The following HS3ST3A1 variants were observed in gnomAD, a reference collection of about 807,000 sequenced individuals.
HS3ST3A1 encodes the protein heparan sulfate-glucosamine 3-sulfotransferase 3A1, also known as heparan sulfate glucosamine 3-O-sulfotransferase 3A1.
HS3ST3A1 carries 19 observed loss-of-function variants against 25.7 expected under a neutral mutation model. The ratio of observed to expected loss-of-function variants is 0.74; its 90% CI spans 0.52 to 1.08. HS3ST3A1 has a LOEUF of 1.08. HS3ST3A1 is among the 50% of genes least tolerant of loss of function. The pLI, the probability that HS3ST3A1 is intolerant of heterozygous loss-of-function variation, is 0.00. For synonymous variants in HS3ST3A1, 226 were observed against 278.6 expected (o/e 0.81, Z 1.88); for missense variants, 459 against 594.3 (o/e 0.77, Z 2.37).
At chr17:13,508,614 G>C (rs1302227719) in intron 1 of HS3ST3A1, among the ~76,000 whole-genome samples, 3 of 152,182 alleles carry the variant, frequency 2.0e-5, no homozygotes, top group Non-Finnish European at 2.9e-5. Context: ...TTCATTGAGG[G>C]AACTCATGTA....
rs80085130 is a variant in HS3ST3A1, at chr17:13,509,807, C to T, written c.600-12989G>A. ...AGATGTTGAAAGGTTTGAGAAGGGG[C>T]TTGTCCTAAGTCATTCAGCCGAAAG... is the stretch of plus-strand genomic sequence containing the variant. On this transcript the variant is annotated intron_variant, in intron 1 of 1. Transcript: ENST00000284110. Among the ~76,000 whole-genome samples the T allele has an allele frequency of 5.0e-3, 762 of 152,304 alleles. 8 individuals are homozygous for T. The highest frequency in any genetic ancestry group is 0.017 in the African/African-American group (716 of 41,560).
chr17:13,561,359 G>C (rs564877473), intron 1 of HS3ST3A1, among the ~76,000 whole-genome samples: 1 of 151,322 alleles, frequency 6.6e-6, no homozygotes, highest in East Asian at 1.9e-4. Context: ...GTGAGCATTC[G>C]AGCATTCACC....
At chr17:13,522,650 C>G (rs943526114) in intron 1 of HS3ST3A1, among the ~76,000 whole-genome samples, 1 of 152,072 alleles carries the variant, frequency 6.6e-6, no homozygotes, top group African/African-American at 2.4e-5. Flanking sequence ...ACTTTACAGA[C>G]AGATGACACA....
rs533708067 is a variant in HS3ST3A1 at position 13,502,399 on chromosome 17, C to T, written c.600-5581G>A. 2.6e-5 allele frequency among the ~76,000 whole-genome samples: 4 copies of T among 152,292 alleles called. No individual in the cohort carries two copies. The South Asian group carries it at 8.3e-4, about 32-fold the overall frequency. ...CACTCTAGCACTGGCTGCACCACTG[C>T]CACCTCTATGATCAGGGAACCACCT... On this transcript the variant is annotated intron_variant, in intron 1 of 1. Transcript: ENST00000284110.
At chr17:13,583,326 T>C (rs1278934585) in intron 1 of HS3ST3A1, among the ~76,000 whole-genome samples, 2 of 152,214 alleles carry the variant, frequency 1.3e-5, no homozygotes, top group Non-Finnish European at 2.9e-5. Context: ...GGTTTTCTAT[T>C]TTCTCCTCTG....
chr17:13,592,900 G>A (rs974395614), intron 1 of HS3ST3A1, among the ~76,000 whole-genome samples: 2 of 152,000 alleles, frequency 1.3e-5, no homozygotes, highest in African/African-American at 4.8e-5. Context: ...GTCTGGCTGA[G>A]CAGTTCCAGT....
chr17:13,532,906 TACACACACACAC>T (rs372721576), intron 1 of HS3ST3A1, among the ~76,000 whole-genome samples: 1 of 146,588 alleles, frequency 6.8e-6, no homozygotes, highest in Non-Finnish European at 1.5e-5. Flanking sequence ...TATGTTTATA[TACACACACACAC>T]ACACACACAT....
Position 13,561,369 on chromosome 17 carries a change from C to T in HS3ST3A1, c.599+39162G>A, listed in dbSNP as rs1292619967. Among the ~76,000 whole-genome samples, 4 of 152,014 alleles carry T rather than the reference C, an allele frequency of 2.6e-5. No homozygotes were observed. In the East Asian group the frequency reaches 5.8e-4, roughly 22 times the overall value. ...TTCTTGTGAGCATTCGAGCATTCAC[C>T]CTGAGATACCAGATCATTCTTTTTT... On this transcript the variant is annotated intron_variant, in intron 1 of 1. Transcript: ENST00000284110.
At chr17:13,530,779 A>T (rs972830931) in intron 1 of HS3ST3A1, among the ~76,000 whole-genome samples, 3 of 152,088 alleles carry the variant, frequency 2.0e-5, no homozygotes, top group African/African-American at 7.2e-5. Flanking sequence ...TCAATCGCTC[A>T]GTTTTCTGTA....
chr17:13,562,182 A>G (rs1443818952), intron 1 of HS3ST3A1, among the ~76,000 whole-genome samples: 1 of 152,118 alleles, frequency 6.6e-6, no homozygotes, highest in Non-Finnish European at 1.5e-5. Context: ...ATAGGCAAGC[A>G]GTAACTTTGG....
chr17:13,541,239 A>G (rs11650867), intron 1 of HS3ST3A1, among the ~76,000 whole-genome samples: 6,094 of 152,268 alleles, frequency 0.04, 166 homozygotes, highest in Middle Eastern at 0.071. Flanking sequence ...CCAGCCATAA[A>G]GTTTCAAAGA....
At chr17:13,579,701 CAAAAAAAAAAAAAAAAAA>C (rs543748713) in intron 1 of HS3ST3A1, among the ~76,000 whole-genome samples, 1 of 23,656 alleles carries the variant, frequency 4.2e-5, no homozygotes, top group African/African-American at 1.9e-4. Context: ...ACTCCATCTC[CAAAAAAAAAAAAAAAAAA>C]AAAAAAAAAT....
chr17:13,575,106 T>G (rs904604740), intron 1 of HS3ST3A1, among the ~76,000 whole-genome samples: 1 of 152,148 alleles, frequency 6.6e-6, no homozygotes, highest in African/African-American at 2.4e-5. Context: ...TTTCCCCCAT[T>G]TGCTTTAGCA....
At chr17:13,554,929 A>G (rs7212673) in intron 1 of HS3ST3A1, among the ~76,000 whole-genome samples, 54,923 of 151,856 alleles carry the variant, frequency 0.36, 12,460 homozygotes, top group African/African-American at 0.65. Context: ...ATTCCACCCT[A>G]TGTCCTGGTG....
chr17:13,520,918 A>G (rs1178363820), intron 1 of HS3ST3A1, among the ~76,000 whole-genome samples: 1 of 152,042 alleles, frequency 6.6e-6, no homozygotes, highest in African/African-American at 2.4e-5. Context: ...TCATTGGAAA[A>G]CTGGAACAAT....
intron 1 of HS3ST3A1, among the ~76,000 whole-genome samples, chr17:13,525,673 T>C (rs1906389710): frequency 6.6e-6 from 1 of 152,180 alleles, no homozygotes; most frequent in African/African-American, 2.4e-5. Context: ...ACATTCATTC[T>C]GATCCCTCCA....
At chr17:13,526,384 C>G (rs897352758) in intron 1 of HS3ST3A1, among the ~76,000 whole-genome samples, 2 of 149,156 alleles carry the variant, frequency 1.3e-5, no homozygotes, top group African/African-American at 4.9e-5. Flanking sequence ...GCTACTATTT[C>G]TTTGGCCATG....
chr17:13,578,765 A>G (rs114896400), intron 1 of HS3ST3A1, among the ~76,000 whole-genome samples: 90 of 152,308 alleles, frequency 5.9e-4, no homozygotes, highest in African/African-American at 1.9e-3. Context: ...CACCCTAATA[A>G]CAAAATCTTA....
intron 1 of HS3ST3A1, among the ~76,000 whole-genome samples, chr17:13,557,321 T>C (rs1451312844): frequency 6.6e-6 from 1 of 152,020 alleles, no homozygotes; most frequent in Non-Finnish European, 1.5e-5. Flanking sequence ...AAGGCCTGAG[T>C]AAAACCCTTG....
Sources: gnomAD v4.1 joint callset for allele counts (sites outside exome capture counted in the v4.1 genomes callset) on GRCh38, gnomAD v4.1.1 for gene constraint, MANE v1.5 for transcripts, NCBI Gene and HGNC (gene_info 2026-07-23, HGNC 2026-07-21) for gene names.